PDGFD: variants seen among roughly 807,000 people sequenced by gnomAD.
PDGFD encodes the protein platelet-derived growth factor D.
In PDGFD, 30 loss-of-function variants were observed where a neutral mutation model predicts 44.7. The ratio of observed to expected loss-of-function variants is 0.67; its 90% CI spans 0.50 to 0.91. The LOEUF is 0.91. PDGFD is among the 40% of genes least tolerant of loss of function. PDGFD has a pLI of 0.00. For missense variants in PDGFD, 445 were observed against 457.8 expected (o/e 0.97, Z 0.25); for synonymous variants, 173 against 168.4 (o/e 1.03, Z -0.21).
chr11:103,912,866 A>G (rs575732035), intron 6 of PDGFD, among the ~76,000 whole-genome samples: 1 of 152,254 alleles, frequency 6.6e-6, no homozygotes, highest in South Asian at 2.1e-4. Context: ...TAAACCAACA[A>G]AGATCAAAAG....
chr11:103,994,633 TA>T (rs201225365), intron 3 of PDGFD, among the ~76,000 whole-genome samples: 1 of 152,126 alleles, frequency 6.6e-6, no homozygotes, highest in African/African-American at 2.4e-5. Flanking sequence ...AGATAAAAAA[TA>T]AAAAAATAAA....
chr11:104,028,816 T>A (rs958634475), intron 1 of PDGFD, among the ~76,000 whole-genome samples: 1 of 151,844 alleles, frequency 6.6e-6, no homozygotes, highest in Non-Finnish European at 1.5e-5. Flanking sequence ...ACAAAAACAG[T>A]TTTTTTAGAG....
chr11:104,087,845 A>G (rs1324760991), intron 1 of PDGFD, among the ~76,000 whole-genome samples: 1 of 152,242 alleles, frequency 6.6e-6, no homozygotes. Flanking sequence ...TTCATTTGGC[A>G]TAACTGGCAG....
chr11:104,010,810 G>C (rs780084388), intron 1 of PDGFD, among the ~76,000 whole-genome samples: 1 of 152,076 alleles, frequency 6.6e-6, no homozygotes, highest in African/African-American at 2.4e-5. Flanking sequence ...AGAACTGTGA[G>C]GGTGAAGGGA....
intron 1 of PDGFD, among the ~76,000 whole-genome samples, chr11:104,025,183 A>G (rs1462041457): frequency 4.6e-5 from 7 of 152,256 alleles, no homozygotes; most frequent in African/African-American, 7.2e-5. Flanking sequence ...TAAAAGTTTG[A>G]GATCTATTGA....
chr11:103,910,933 C>T (rs1057424234), intron 6 of PDGFD, among the ~76,000 whole-genome samples: 1 of 152,210 alleles, frequency 6.6e-6, no homozygotes, highest in Non-Finnish European at 1.5e-5. Context: ...GTAGGCGAGG[C>T]GGTTTTACCC....
In PDGFD at chr11:104,030,336, T is replaced by C. The variant is rs1331677434; in HGVS notation, c.125-30081A>G. On this transcript the variant is annotated intron_variant, in intron 1 of 6. Coordinates refer to ENST00000393158, the MANE Select transcript of PDGFD (RefSeq NM_025208.5). Reference sequence around the variant, plus strand: ...CAGACAACATCCACCTAGTTTCCAATAAAATATCTTAATAGGCTGGAGAAT... The same window carrying C: ...CAGACAACATCCACCTAGTTTCCAACAAAATATCTTAATAGGCTGGAGAAT... Among the ~76,000 whole-genome samples the C allele has an allele frequency of 4.6e-5, 7 of 152,260 alleles. No individual in the cohort carries two copies. In the East Asian group the frequency reaches 9.6e-4, roughly 21 times the overall value.
At chr11:104,010,028 G>A (rs1379729351) in intron 1 of PDGFD, among the ~76,000 whole-genome samples, 2 of 152,022 alleles carry the variant, frequency 1.3e-5, no homozygotes, top group African/African-American at 4.8e-5. Context: ...TCAGTCTATG[G>A]CCTGCCATTA....
intron 1 of PDGFD, among the ~76,000 whole-genome samples, chr11:104,002,413 G>T (rs1457784512): frequency 6.6e-6 from 1 of 152,024 alleles, no homozygotes; most frequent in African/African-American, 2.4e-5. Context: ...TAAAAGTGTG[G>T]CGGTCCCCTG....
intron 1 of PDGFD, among the ~76,000 whole-genome samples, chr11:104,082,895 A>G (rs1861067016): frequency 1.3e-5 from 2 of 152,194 alleles, no homozygotes; most frequent in Non-Finnish European, 2.9e-5. Context: ...CTGGGATTAC[A>G]GGCATGAGCC....
At chr11:104,108,762 T>G (rs1861504719) in intron 1 of PDGFD, among the ~76,000 whole-genome samples, 2 of 152,156 alleles carry the variant, frequency 1.3e-5, no homozygotes, top group African/African-American at 4.8e-5. Flanking sequence ...GTGTGTTTAT[T>G]GTGGCACTAT....
intron 1 of PDGFD, among the ~76,000 whole-genome samples, chr11:104,070,877 C>T (rs562123781): frequency 6.6e-6 from 1 of 152,208 alleles, no homozygotes; most frequent in East Asian, 1.9e-4. Flanking sequence ...ATTTTCATTA[C>T]TGTTGGAGTT....
intron 1 of PDGFD, among the ~76,000 whole-genome samples, chr11:104,083,047 G>A (rs904621806): frequency 1.3e-5 from 2 of 152,226 alleles, no homozygotes; most frequent in African/African-American, 4.8e-5. Flanking sequence ...CTTTTTGTTA[G>A]TCATGACCCC....
chr11:103,948,844 C>G (rs1858700926), intron 3 of PDGFD, among the ~76,000 whole-genome samples: 1 of 151,804 alleles, frequency 6.6e-6, no homozygotes, highest in Admixed American at 6.6e-5. Context: ...TGAGAGAGAA[C>G]CGAGTCAAAT....
chr11:104,081,848 C>T (rs1466614930), intron 1 of PDGFD, among the ~76,000 whole-genome samples: 1 of 152,054 alleles, frequency 6.6e-6, no homozygotes, highest in Non-Finnish European at 1.5e-5. Flanking sequence ...AGTTTTTGAA[C>T]TCCTCTTGCA....
intron 1 of PDGFD, among the ~76,000 whole-genome samples, chr11:104,090,788 G>A (rs1015692145): frequency 1.3e-5 from 2 of 151,990 alleles, no homozygotes; most frequent in South Asian, 4.1e-4. Context: ...TTCTTTTTGT[G>A]TCTCACATCT....
chr11:103,959,547 CAACT>C (rs919783504), intron 3 of PDGFD, among the ~76,000 whole-genome samples: 2 of 152,166 alleles, frequency 1.3e-5, no homozygotes, highest in East Asian at 1.9e-4. Flanking sequence ...ACTCAACTAG[CAACT>C]AACTAAGGCA....
At chr11:104,058,833 C>G (rs1233192198) in intron 1 of PDGFD, among the ~76,000 whole-genome samples, 1 of 152,170 alleles carries the variant, frequency 6.6e-6, no homozygotes, top group Non-Finnish European at 1.5e-5. Flanking sequence ...CATTCAACAA[C>G]GTGAACGAAT....
intron 5 of PDGFD, among the ~76,000 whole-genome samples, chr11:103,927,425 G>T (rs1858336361): frequency 6.6e-6 from 1 of 152,062 alleles, no homozygotes; most frequent in African/African-American, 2.4e-5. Context: ...TCAGAGGAAA[G>T]AAAATGAAAC....
Sources: allele counts gnomAD v4.1 joint callset (sites outside exome capture counted in the v4.1 genomes callset), GRCh38; gene constraint gnomAD v4.1.1; transcripts MANE v1.5; gene names NCBI Gene and HGNC (gene_info 2026-07-23, HGNC 2026-07-21).